The following TANC2 variants were observed in gnomAD, a reference collection of about 807,000 sequenced individuals.
The protein encoded by TANC2 is tetratricopeptide repeat, ankyrin repeat and coiled-coil containing 2, also known as protein TANC2.
Under a neutral mutation model 210.5 loss-of-function variants are expected in TANC2, and 26 were observed. The observed-to-expected ratio is 0.12, with a 90% CI of 0.09 to 0.17. The LOEUF (loss-of-function observed/expected upper bound fraction) is 0.17, where lower values mean the gene tolerates loss of function less well. TANC2 is among the 10% of genes least tolerant of loss of function. The pLI is 1.00. For synonymous variants in TANC2, 931 were observed against 967.1 expected (o/e 0.96, Z 0.69); for missense variants, 2,129 against 2,608.9 (o/e 0.82, Z 4.01).
chr17:63,314,664 C>A (rs765441426), exon 10 of TANC2: 3 of 1,613,200 alleles, frequency 1.9e-6, no homozygotes, highest in Non-Finnish European at 1.7e-6. Flanking sequence ...CATGCCTCCC[C>A]CAAACGTACG....
chr17:63,019,610 G>A (rs973831145), intron 2 of TANC2, among the ~76,000 whole-genome samples: 1 of 152,116 alleles, frequency 6.6e-6, no homozygotes, highest in Non-Finnish European at 1.5e-5. Context: ...TTGAGTATAG[G>A]TGTGGTTTTG....
intron 8 of TANC2, among the ~76,000 whole-genome samples, chr17:63,257,316 T>A (rs1457863654): frequency 6.6e-6 from 1 of 152,196 alleles, no homozygotes; most frequent in Non-Finnish European, 1.5e-5. Context: ...TGTTGTTGGC[T>A]TTTTGGTTTG....
chr17:63,299,716 C>A (rs1015069187), intron 9 of TANC2, among the ~76,000 whole-genome samples: 1 of 151,900 alleles, frequency 6.6e-6, no homozygotes, highest in Non-Finnish European at 1.5e-5. Context: ...CAAATAGTTT[C>A]TCCCATTCTG....
Position 63,169,354 on chromosome 17 carries a change from C to G in TANC2, c.433+17974C>G, listed in dbSNP as rs574561822. Among the ~76,000 whole-genome samples the G allele has an allele frequency of 1.4e-4, 21 of 152,180 alleles. No homozygotes were observed. The East Asian group carries it at 3.5e-3, about 25-fold the overall frequency. On this transcript the variant is annotated intron_variant, in intron 5 of 27. Transcript: ENST00000689528. ...GAAATATTTGTAGAAATAAATGAAG[C>G]TAGGATGATGATTTTTTCTCTCTCT...
chr17:63,205,351 A>AAAAC (rs933545130), intron 7 of TANC2, among the ~76,000 whole-genome samples: 1 of 144,552 alleles, frequency 6.9e-6, no homozygotes, highest in African/African-American at 2.5e-5. Context: ...AGGCAAAAAA[A>AAAAC]AAAAAAAAAA....
chr17:63,351,782 T>A (rs1567942791), intron 13 of TANC2, among the ~76,000 whole-genome samples: 1 of 152,164 alleles, frequency 6.6e-6, no homozygotes, highest in Non-Finnish European at 1.5e-5. Context: ...TTCAGTTCAA[T>A]CTACATCCTA....
At chr17:63,006,696 T>C (rs2033638325) in intron 1 of TANC2, among the ~76,000 whole-genome samples, 1 of 152,168 alleles carries the variant, frequency 6.6e-6, no homozygotes, top group South Asian at 2.1e-4. Flanking sequence ...GTGTTTTGTG[T>C]TATAGTTTGT....
intron 8 of TANC2, among the ~76,000 whole-genome samples, chr17:63,253,842 T>A (rs1179791124): frequency 2.0e-5 from 3 of 152,026 alleles, no homozygotes; most frequent in Admixed American, 1.3e-4. Context: ...AGAGACAGGT[T>A]TTCACCATGT....
chr17:63,395,735 CCTCTT>C lies in TANC2; in HGVS notation c.3052-7_3052-3del, dbSNP rs752704184. The C allele has an allele frequency of 1.9e-6, 3 of 1,612,538 alleles. No individual in the cohort carries two copies. In the East Asian group the frequency reaches 6.7e-5, roughly 36 times the overall value. ...TGTTCACACATATCTCCTGTCCTCT[CCTCTT>C]AGGTGGATCATTTGGATAAGAACGG... On this transcript the variant is annotated splice_polypyrimidine_tract_variant and splice_region_variant and intron_variant, in intron 17 of 27. Coordinates refer to ENST00000689528, the Ensembl canonical transcript of TANC2.
chr17:63,265,971 T>A (rs12601056), intron 8 of TANC2, among the ~76,000 whole-genome samples: 22,761 of 152,134 alleles, frequency 0.15, 2,033 homozygotes, highest in Middle Eastern at 0.21. Context: ...CTTTTTGATA[T>A]AAGCAGAAGA....
At chr17:63,171,120 C>T (rs916115856) in intron 5 of TANC2, among the ~76,000 whole-genome samples, 3 of 142,240 alleles carry the variant, frequency 2.1e-5, no homozygotes, top group African/African-American at 5.2e-5. Flanking sequence ...GAGTCTTGCT[C>T]CCTCGCCCAG....
intron 3 of TANC2, chr17:63,088,309 T>G (rs2037052729): frequency 6.6e-6 from 1 of 152,178 alleles, no homozygotes. Flanking sequence ...TCTAACATAT[T>G]CATTACATAT....
intron 4 of TANC2, chr17:63,120,646 TTACAAAAAA>T (rs2038427436): frequency 1.3e-5 from 2 of 151,484 alleles, no homozygotes; most frequent in African/African-American, 2.4e-5. Flanking sequence ...AACCCTGTCT[TTACAAAAAA>T]TACAAAAAAT....
chr17:63,399,896 G>A (rs1185491852), intron 19 of TANC2, among the ~76,000 whole-genome samples: 3 of 152,060 alleles, frequency 2.0e-5, no homozygotes, highest in South Asian at 2.1e-4. Flanking sequence ...TTTGCTTCTC[G>A]AATAATCCCT....
At chr17:63,288,161 C>T (rs2044281616) in intron 9 of TANC2, among the ~76,000 whole-genome samples, 1 of 152,166 alleles carries the variant, frequency 6.6e-6, no homozygotes, top group African/African-American at 2.4e-5. Flanking sequence ...CCACAGATCT[C>T]CAGAATTATT....
chr17:63,169,556 G>T (rs2040328930), intron 5 of TANC2, among the ~76,000 whole-genome samples: 1 of 152,170 alleles, frequency 6.6e-6, no homozygotes, highest in African/African-American at 2.4e-5. Context: ...GCCGGGCATG[G>T]TGGCTCATGC....
At chr17:63,279,350 C>T (rs559510130) in intron 9 of TANC2, among the ~76,000 whole-genome samples, 1 of 152,200 alleles carries the variant, frequency 6.6e-6, no homozygotes, top group South Asian at 2.1e-4. Context: ...ATGACAGCCC[C>T]ATGAGGTATA....
intron 4 of TANC2, among the ~76,000 whole-genome samples, chr17:63,124,430 A>C (rs2038623347): frequency 6.6e-6 from 1 of 152,182 alleles, no homozygotes; most frequent in East Asian, 1.9e-4. Context: ...TTCTTGACAT[A>C]TGATTCTGCC....
At chr17:63,346,872 ATT>A (rs796816347) in intron 12 of TANC2, among the ~76,000 whole-genome samples, 2 of 142,600 alleles carry the variant, frequency 1.4e-5, no homozygotes, top group African/African-American at 2.6e-5. Flanking sequence ...TACCTGGCTA[ATT>A]TTTTTTTTTT....
Sources: gnomAD v4.1 joint callset for allele counts (sites outside exome capture counted in the v4.1 genomes callset) on GRCh38, gnomAD v4.1.1 for gene constraint, MANE v1.5 for transcripts, NCBI Gene and HGNC (gene_info 2026-07-23, HGNC 2026-07-21) for gene names.